ITGA1: variants seen among roughly 807,000 people sequenced by gnomAD.
ITGA1 encodes integrin alpha-1.
In ITGA1, 85 loss-of-function variants were observed where a neutral mutation model predicts 145.9. The ratio of observed to expected loss-of-function variants is 0.58; its 90% CI spans 0.49 to 0.70. The LOEUF (loss-of-function observed/expected upper bound fraction) is 0.70. Among genes scored for constraint, ITGA1 ranks in the 30% least tolerant of loss-of-function variants. ITGA1 has a pLI of 0.00. For synonymous variants in ITGA1, 520 were observed against 495.3 expected, an observed-to-expected ratio of 1.05 and a Z score of -0.66; for missense variants, 1,351 against 1,418.7, an observed-to-expected ratio of 0.95 and a Z score of 0.77.
At chr5:52,818,521 ATTAG>A (rs1748813552) in intron 1 of ITGA1, among the ~76,000 whole-genome samples, 1 of 152,208 alleles carries the variant, frequency 6.6e-6, no homozygotes, top group Non-Finnish European at 1.5e-5. Context: ...CAGGGATTGA[ATTAG>A]TTAGGCTTAG....
intron 20 of ITGA1, among the ~76,000 whole-genome samples, chr5:52,928,967 G>C (rs1431377805): frequency 6.6e-6 from 1 of 152,168 alleles, no homozygotes; most frequent in Non-Finnish European, 1.5e-5. Context: ...TTTCGGCTTT[G>C]TGGTGTGGAA....
intron 6 of ITGA1, among the ~76,000 whole-genome samples, chr5:52,875,968 A>C (rs1749859755): frequency 6.6e-6 from 1 of 151,930 alleles, no homozygotes; most frequent in African/African-American, 2.4e-5. Context: ...TTCCAGGCTG[A>C]GGGCCACTTT....
intron 14 of ITGA1, among the ~76,000 whole-genome samples, chr5:52,911,800 T>C (rs1750547911): frequency 7.3e-6 from 1 of 137,892 alleles, no homozygotes; most frequent in African/African-American, 2.6e-5. Context: ...ATCTACTATA[T>C]ATACTATATA....
intron 14 of ITGA1, among the ~76,000 whole-genome samples, chr5:52,914,756 T>C (rs955628891): frequency 6.6e-6 from 1 of 152,158 alleles, no homozygotes; most frequent in Non-Finnish European, 1.5e-5. Context: ...GGTTTGTAAG[T>C]CCTGACTGCT....
At chr5:52,903,350 A>G (rs1265965601) in intron 11 of ITGA1, 4 of 152,168 alleles carry the variant, frequency 2.6e-5, no homozygotes, top group African/African-American at 7.2e-5. Flanking sequence ...TGTATGTATA[A>G]ACATGGCCTG....
At chr5:52,834,020 A>G (rs2111726361) in intron 1 of ITGA1, among the ~76,000 whole-genome samples, 1 of 152,364 alleles carries the variant, frequency 6.6e-6, no homozygotes, top group East Asian at 1.9e-4. Context: ...CAATGAATCT[A>G]TGAAGATCAG....
chr5:52,812,462 A>C lies in ITGA1; in HGVS notation c.61+24048A>C, dbSNP rs1323454560. On this transcript the variant is annotated intron_variant, in intron 1 of 28. Coordinates refer to ENST00000282588, the MANE Select transcript of ITGA1 (RefSeq NM_181501.2). The stretch of plus-strand genomic sequence containing the variant: ...ATTAAAAGCTAATATCACTGAGAAC[A>C]GGAAGACATTACAATTGGCTAGAAT... Among the ~76,000 whole-genome samples the C allele has an allele frequency of 2.0e-5, 3 of 152,200 alleles. No individual in the cohort carries two copies. In the East Asian group the frequency reaches 5.8e-4, roughly 29 times the overall value.
chr5:52,941,013 T>C (rs963799502), intron 26 of ITGA1, among the ~76,000 whole-genome samples: 2 of 152,188 alleles, frequency 1.3e-5, no homozygotes, highest in Admixed American at 6.5e-5. Flanking sequence ...CTCTCACTTA[T>C]ACGTGAGAAC....
At chr5:52,943,897 G>T (rs997335557) in intron 26 of ITGA1, among the ~76,000 whole-genome samples, 1 of 152,158 alleles carries the variant, frequency 6.6e-6, no homozygotes, top group African/African-American at 2.4e-5. Context: ...TGCTTTGGAG[G>T]ATCCAAAGTC....
chr5:52,800,063 G>C (rs16880278), intron 1 of ITGA1: 178 of 320,134 alleles, frequency 5.6e-4, no homozygotes, highest in East Asian at 5.5e-3. Flanking sequence ...GACGTGCGTC[G>C]GGTCGCGGGA....
rs1183841818 is a variant in ITGA1 at position 52,798,293 on chromosome 5, A to G, written c.61+9879A>G. Among the ~76,000 whole-genome samples, 3 of 152,178 alleles carry G rather than the reference A, an allele frequency of 2.0e-5. No homozygotes were observed. In the East Asian group the frequency reaches 5.8e-4, roughly 29 times the overall value. ...GAAGAAGGAGGAAGTAAGGGGAGAC[A>G]TAGAGAGCGAGAAACAAAGAGAAAA... On this transcript the variant is annotated intron_variant, in intron 1 of 28. Coordinates refer to ENST00000282588, the MANE Select transcript of ITGA1 (RefSeq NM_181501.2).
chr5:52,792,906 A>G lies in ITGA1; in HGVS notation c.61+4492A>G, dbSNP rs569918443. Among the ~76,000 whole-genome samples the G allele has an allele frequency of 1.1e-4, 17 of 152,266 alleles. No homozygotes were observed. In the East Asian group the frequency reaches 3.1e-3, roughly 28 times the overall value. On this transcript the variant is annotated intron_variant, in intron 1 of 28. Coordinates refer to ENST00000282588, the MANE Select transcript of ITGA1 (RefSeq NM_181501.2). ...GGAGAATTGTATTCGCCCTCAAAGCAAGTACAGTAGAGTATCAAGAGATGC... is the reference window on the plus strand; with the variant it reads ...GGAGAATTGTATTCGCCCTCAAAGCGAGTACAGTAGAGTATCAAGAGATGC...
chr5:52,906,659 T>C (rs1023583829), intron 12 of ITGA1, among the ~76,000 whole-genome samples: 1 of 152,238 alleles, frequency 6.6e-6, no homozygotes, highest in African/African-American at 2.4e-5. Flanking sequence ...AAAAGTTTTC[T>C]GTATTTTTCA....
rs768137285 is a variant in ITGA1 at position 52,897,444 on chromosome 5, C to G, written c.1091-11C>G. On this transcript the variant is annotated splice_polypyrimidine_tract_variant and intron_variant, in intron 9 of 28. Transcript: ENST00000282588. ...GTTACTTATTTACAGTGATATTTTCCTATGTTATAGCCACAGCTGACCAGT... is the reference window on the plus strand; with the variant it reads ...GTTACTTATTTACAGTGATATTTTCGTATGTTATAGCCACAGCTGACCAGT... 4.4e-6 allele frequency: 7 copies of G among 1,592,960 alleles called. No individual in the cohort carries two copies. Among genetic ancestry groups the G allele is most frequent in the Non-Finnish European group, 6.0e-6 (7 of 1,162,170 alleles).
intron 1 of ITGA1, among the ~76,000 whole-genome samples, chr5:52,832,219 T>C (rs990074488): frequency 6.6e-6 from 1 of 152,108 alleles, no homozygotes; most frequent in African/African-American, 2.4e-5. Flanking sequence ...AAGAGCCTAC[T>C]CCAGGCTGCC....
rs1750485461 is a variant in ITGA1 at position 52,910,377 on chromosome 5, T to G, written c.1815T>G (p.Ile605Met). The G allele has an allele frequency of 6.2e-7, 1 of 1,613,636 alleles. No individual in the cohort carries two copies. The highest frequency in any genetic ancestry group is 8.5e-7 in the Non-Finnish European group (1 of 1,179,834). Reference sequence around the variant, plus strand: ...ATGATCACGGGGGAGCTGTGTACATTTATCATGGAAGTGGCAAGACTATAA... The same window carrying G: ...ATGATCACGGGGGAGCTGTGTACATGTATCATGGAAGTGGCAAGACTATAA... ...LEDDHGGAVY[I>M]YHGSGKTIRK... Residue 605 changes from isoleucine to methionine, a missense_variant, in exon 14 of 29, where the codon ATT becomes ATG. Ile to Met is a conservative substitution (Grantham distance 10, BLOSUM62 1). Coordinates refer to ENST00000282588, the MANE Select transcript of ITGA1 (RefSeq NM_181501.2).
intron 1 of ITGA1, among the ~76,000 whole-genome samples, chr5:52,829,754 A>C (rs1358485146): frequency 1.3e-5 from 2 of 152,162 alleles, no homozygotes; most frequent in Non-Finnish European, 2.9e-5. Context: ...AATTTCCAGA[A>C]GACATTTTTT....
chr5:52,831,249 C>A (rs1749065131), intron 1 of ITGA1, among the ~76,000 whole-genome samples: 1 of 152,036 alleles, frequency 6.6e-6, no homozygotes, highest in African/African-American at 2.4e-5. Context: ...TCTCATGCCT[C>A]AGTCTCCCGA....
chr5:52,830,895 ATTCT>A (rs1166964428), intron 1 of ITGA1, among the ~76,000 whole-genome samples: 2 of 152,160 alleles, frequency 1.3e-5, no homozygotes, highest in African/African-American at 4.8e-5. Flanking sequence ...AGCAGCAATT[ATTCT>A]TTGATGACAT....
Sources: gnomAD v4.1 joint callset for allele counts (sites outside exome capture counted in the v4.1 genomes callset) on GRCh38, gnomAD v4.1.1 for gene constraint, MANE v1.5 for transcripts, NCBI Gene and HGNC (gene_info 2026-07-23, HGNC 2026-07-21) for gene names.